The following AFG2B variants were observed in gnomAD, a reference collection of about 807,000 sequenced individuals.
AFG2B encodes AAA ATPase AFG2B, also known as ATPase family gene 2 protein homolog B.
chr15:45,403,179 G>T, the AFG2B span: 1 of 1,460,624 alleles, frequency 6.8e-7, no homozygotes. Context: ...AGACCCAGCT[G>T]GTGCGGGCCG....
At chr15:45,415,707 G>T in the AFG2B span, 6 of 1,614,002 alleles carry the variant, frequency 3.7e-6, no homozygotes, top group Non-Finnish European at 5.1e-6. Flanking sequence ...AGTTCTTTCT[G>T]TTCTCCTGAA....
the AFG2B span, chr15:45,402,655 C>G: frequency 3.8e-6 from 6 of 1,578,564 alleles, no homozygotes; most frequent in Non-Finnish European, 5.1e-6. Context: ...GCAGCTGGAC[C>G]CGCTGTGCGC....
the AFG2B span, chr15:45,407,256 C>G: frequency 8.5e-7 from 1 of 1,175,864 alleles, no homozygotes; most frequent in Non-Finnish European, 1.1e-6. Context: ...TTTCCCCCAC[C>G]AGCTGAGGGG....
the AFG2B span, among the ~76,000 whole-genome samples, chr15:45,410,044 A>C: frequency 6.6e-6 from 1 of 152,326 alleles, no homozygotes; most frequent in East Asian, 1.9e-4. Flanking sequence ...GTTGACATGA[A>C]AAGCTCTCTA....
At chr15:45,409,990 G>C in the AFG2B span, among the ~76,000 whole-genome samples, 1 of 152,324 alleles carries the variant, frequency 6.6e-6, no homozygotes, top group South Asian at 2.1e-4. Context: ...AAATTCAGTA[G>C]TGTATTATGG....
chr15:45,416,183 T>C, the AFG2B span, among the ~76,000 whole-genome samples: 1 of 152,248 alleles, frequency 6.6e-6, no homozygotes, highest in African/African-American at 2.4e-5. Context: ...CCCAGCACTT[T>C]GGGAGGCCAA....
the AFG2B span, chr15:45,405,646 C>G: frequency 2.6e-6 from 2 of 767,758 alleles, no homozygotes; most frequent in South Asian, 3.8e-5. Flanking sequence ...TTTTACATCT[C>G]AACTCTATAT....
At chr15:45,413,680 TC>T in the AFG2B span, among the ~76,000 whole-genome samples, 25 of 152,138 alleles carry the variant, frequency 1.6e-4, no homozygotes, top group African/African-American at 6.0e-4. Flanking sequence ...TCCAGTCCAT[TC>T]TCCATACTGC....
chr15:45,402,686 G>T, the AFG2B span: 1 of 1,573,728 alleles, frequency 6.4e-7, no homozygotes. Context: ...GCGGCGGTCG[G>T]GGCGTCGAGA....
the AFG2B span, among the ~76,000 whole-genome samples, chr15:45,410,999 C>T: frequency 6.6e-6 from 1 of 152,070 alleles, no homozygotes; most frequent in Non-Finnish European, 1.5e-5. Flanking sequence ...GTCAGGAGTT[C>T]AAGACCAGCC....
At chr15:45,411,300 T>A in the AFG2B span, among the ~76,000 whole-genome samples, 1 of 152,098 alleles carries the variant, frequency 6.6e-6, no homozygotes, top group African/African-American at 2.4e-5. Context: ...GGCAACAAAG[T>A]AAGACTCCCC....
the AFG2B span, chr15:45,410,633 C>CATTAGTGA: frequency 9.4e-7 from 1 of 1,063,064 alleles, no homozygotes; most frequent in Non-Finnish European, 1.3e-6. Flanking sequence ...GCTCCTATCA[C>CATTAGTGA]TAATGTGATC....
the AFG2B span, chr15:45,414,875 C>T: frequency 9.1e-7 from 1 of 1,093,054 alleles, no homozygotes; most frequent in Non-Finnish European, 1.3e-6. Flanking sequence ...AGTGTTTTTT[C>T]CAGTTAAAAA....
the AFG2B span, chr15:45,421,353 C>T: frequency 5.5e-6 from 3 of 547,092 alleles, no homozygotes; most frequent in Non-Finnish European, 9.0e-6. Context: ...AAACTTGTGC[C>T]TGATAAGCTA....
chr15:45,417,778 A>G, the AFG2B span: 1 of 160,478 alleles, frequency 6.2e-6, no homozygotes, highest in East Asian at 1.8e-4. Context: ...TCAACCAGTA[A>G]ATTTGTTGTC....
At chr15:45,404,772 C>T in the AFG2B span, among the ~76,000 whole-genome samples, 1 of 141,012 alleles carries the variant, frequency 7.1e-6, no homozygotes, top group East Asian at 2.1e-4. Flanking sequence ...GTGCCCGCTG[C>T]ACTCCAGACT....
At chr15:45,420,346 G>C in the AFG2B span, among the ~76,000 whole-genome samples, 1 of 152,086 alleles carries the variant, frequency 6.6e-6, no homozygotes, top group East Asian at 1.9e-4. Flanking sequence ...AACATAGTTA[G>C]CTACAAGGAG....
chr15:45,419,986 T>TGA, the AFG2B span, among the ~76,000 whole-genome samples: 1 of 49,246 alleles, frequency 2.0e-5, no homozygotes. Flanking sequence ...CAAGACTCTG[T>TGA]CCCCCCCCCC....
chr15:45,405,267 A>G, the AFG2B span: 3 of 1,498,242 alleles, frequency 2.0e-6, no homozygotes, highest in Non-Finnish European at 2.7e-6. Context: ...TAAAAATAAT[A>G]TATTTTAAAC....
Sources: allele counts gnomAD v4.1 joint callset (sites outside exome capture counted in the v4.1 genomes callset), GRCh38; gene constraint gnomAD v4.1.1; transcripts MANE v1.5; gene names NCBI Gene and HGNC (gene_info 2026-07-23, HGNC 2026-07-21).